The following NALF1 variants were observed in gnomAD, a reference collection of about 807,000 sequenced individuals.
NALF1 encodes the protein NALCN channel auxiliary factor 1, also known as family with sequence similarity 155 member A.
A neutral mutation model predicts 48.4 loss-of-function variants in NALF1; 3 were observed. That is an observed-to-expected ratio of 0.06 (90% CI 0.03 to 0.16). The LOEUF is 0.16. Among genes scored for constraint, NALF1 ranks in the 10% least tolerant of loss-of-function variants. NALF1 has a pLI of 1.00. For missense variants in NALF1, 526 were observed against 571.5 expected (o/e 0.92, Z 0.81); for synonymous variants, 262 against 245.7 (o/e 1.07, Z -0.62).
intron 1 of NALF1, among the ~76,000 whole-genome samples, chr13:107,407,487 G>T (rs1883918915): frequency 6.6e-6 from 1 of 151,996 alleles, no homozygotes. Context: ...CATACAAATG[G>T]CAAACAGGTA....
chr13:107,517,775 C>T (rs1223625), intron 1 of NALF1, among the ~76,000 whole-genome samples: 2,566 of 152,086 alleles, frequency 0.017, 85 homozygotes, highest in African/African-American at 0.058. Context: ...GCCAATGTGG[C>T]GAAACCCTAT....
At chr13:107,829,444 TC>T (rs1201954459) in intron 1 of NALF1, among the ~76,000 whole-genome samples, 1 of 152,090 alleles carries the variant, frequency 6.6e-6, no homozygotes, top group African/African-American at 2.4e-5. Flanking sequence ...ATAAATATAC[TC>T]CCACAATAGA....
At chr13:107,640,034 A>G (rs867628506) in intron 1 of NALF1, among the ~76,000 whole-genome samples, 67 of 152,214 alleles carry the variant, frequency 4.4e-4, no homozygotes, top group South Asian at 1.0e-3. Context: ...GGCAAATCTT[A>G]TATTCAAAAG....
intron 1 of NALF1, among the ~76,000 whole-genome samples, chr13:107,386,088 AT>A (rs112499682): frequency 6.6e-6 from 1 of 152,146 alleles, no homozygotes; most frequent in African/African-American, 2.4e-5. Context: ...ATGTCTTAAA[AT>A]TTTATTGAAT....
At chr13:107,714,626 T>A (rs866267500) in intron 1 of NALF1, among the ~76,000 whole-genome samples, 3 of 126,472 alleles carry the variant, frequency 2.4e-5, no homozygotes, top group East Asian at 2.3e-4. Context: ...GAGGCTTTAT[T>A]AAAAAAAAAA....
chr13:107,178,642 T>G lies in NALF1; in HGVS notation c.1088-7856A>C, dbSNP rs144018364. Among the ~76,000 whole-genome samples the G allele has an allele frequency of 9.9e-4, 150 of 152,202 alleles. 2 individuals are homozygous for G. Among genetic ancestry groups the G allele is most frequent in the Non-Finnish European group, 1.3e-3 (85 of 67,980 alleles). On this transcript the variant is annotated intron_variant, in intron 2 of 2. Transcript: ENST00000375915. ...TCACTATGGAGAAAAGTATGGAGGT[T>G]CCTCAGAAAACTAAAAATAGGCCAG...
chr13:107,404,512 A>G (rs972934230), intron 1 of NALF1, among the ~76,000 whole-genome samples: 2 of 152,156 alleles, frequency 1.3e-5, no homozygotes, highest in African/African-American at 4.8e-5. Flanking sequence ...CAAAATATCA[A>G]AATAAAAATT....
At chr13:107,595,884 G>A (rs1878730979) in intron 1 of NALF1, among the ~76,000 whole-genome samples, 1 of 152,074 alleles carries the variant, frequency 6.6e-6, no homozygotes. Flanking sequence ...CCCCTTACTG[G>A]CATAGTGTAC....
intron 1 of NALF1, among the ~76,000 whole-genome samples, chr13:107,819,775 C>T (rs186409106): frequency 7.4e-4 from 113 of 152,042 alleles, no homozygotes; most frequent in Non-Finnish European, 8.8e-5. Context: ...CACACACACA[C>T]ACACAGCACA....
chr13:107,695,511 AT>A (rs1466780802), intron 1 of NALF1, among the ~76,000 whole-genome samples: 3 of 152,134 alleles, frequency 2.0e-5, no homozygotes, highest in Non-Finnish European at 4.4e-5. Flanking sequence ...TACCCAAATG[AT>A]TTTGCTTATT....
chr13:107,760,619 T>TGA (rs2138560948), intron 1 of NALF1, among the ~76,000 whole-genome samples: 2 of 152,348 alleles, frequency 1.3e-5, no homozygotes, highest in African/African-American at 4.8e-5. Flanking sequence ...TAATATCCTA[T>TGA]GATTTCTCTC....
chr13:107,725,464 T>TC (rs1876120296), intron 1 of NALF1, among the ~76,000 whole-genome samples: 3 of 152,170 alleles, frequency 2.0e-5, no homozygotes, highest in Non-Finnish European at 4.4e-5. Context: ...TCCCAACACT[T>TC]TGGGAGACCG....
At chr13:107,517,818 GGT>G (rs1876111586) in intron 1 of NALF1, among the ~76,000 whole-genome samples, 1 of 152,080 alleles carries the variant, frequency 6.6e-6, no homozygotes, top group Non-Finnish European at 1.5e-5. Flanking sequence ...AGCCAGGCCT[GGT>G]GATGCATGAC....
chr13:107,210,805 G>A (rs1160894656), intron 1 of NALF1, 50 bp from the exon 2 acceptor site: 1 of 1,323,926 alleles, frequency 7.6e-7, no homozygotes, highest in Non-Finnish European at 1.1e-6. Context: ...AACAGTTACA[G>A]TGATAGAGGC....
intron 1 of NALF1, among the ~76,000 whole-genome samples, chr13:107,817,315 C>T (rs1471408633): frequency 6.6e-6 from 1 of 152,158 alleles, no homozygotes; most frequent in Non-Finnish European, 1.5e-5. Flanking sequence ...ATGAAAACAA[C>T]AATGCATATA....
rs116029741 is a variant in NALF1, at chr13:107,492,958, A to T, written c.916-282203T>A. On this transcript the variant is annotated intron_variant, in intron 1 of 2. Transcript: ENST00000375915. The stretch of plus-strand genomic sequence containing the variant: ...ATTATGAAAAACAGAGCAATCTGTT[A>T]TTAAGAACAAGTGTGGCTGAATTAG... Among the ~76,000 whole-genome samples, 428 of 152,354 alleles carry T rather than the reference A, an allele frequency of 2.8e-3. 2 individuals carry two copies. Among genetic ancestry groups the T allele is most frequent in the African/African-American group, 9.9e-3 (411 of 41,578 alleles).
intron 1 of NALF1, among the ~76,000 whole-genome samples, chr13:107,862,012 A>G (rs746718910): frequency 1.3e-5 from 2 of 152,218 alleles, no homozygotes; most frequent in Non-Finnish European, 2.9e-5. Flanking sequence ...CTGCTTTAAT[A>G]TAAGATTGTA....
chr13:107,580,497 A>C (rs912705623), intron 1 of NALF1, among the ~76,000 whole-genome samples: 1 of 152,088 alleles, frequency 6.6e-6, no homozygotes, highest in African/African-American at 2.4e-5. Flanking sequence ...TGACGGTTCA[A>C]AAGTAGCACT....
At chr13:107,800,208 C>T (rs894482178) in intron 1 of NALF1, among the ~76,000 whole-genome samples, 1 of 152,108 alleles carries the variant, frequency 6.6e-6, no homozygotes, top group Admixed American at 6.6e-5. Flanking sequence ...TCTCAGGTGT[C>T]ATTTACAATT....
Sources: allele counts gnomAD v4.1 joint callset (sites outside exome capture counted in the v4.1 genomes callset), GRCh38; gene constraint gnomAD v4.1.1; transcripts MANE v1.5; gene names NCBI Gene and HGNC (gene_info 2026-07-23, HGNC 2026-07-21).